Variants in MAD2L1BP observed in about 807,000 individuals in gnomAD.
MAD2L1BP encodes MAD2L1-binding protein.
In MAD2L1BP, 22 loss-of-function variants were observed where a neutral mutation model predicts 28.4. The ratio of observed to expected loss-of-function variants is 0.77; its 90% CI spans 0.55 to 1.10. The LOEUF is 1.10. MAD2L1BP is among the 50% of genes least tolerant of loss of function. The pLI is 0.00. For missense variants in MAD2L1BP, 325 were observed against 350.5 expected (o/e 0.93, Z 0.58); for synonymous variants, 146 against 133.7 (o/e 1.09, Z -0.63).
At chr6:43,638,431 C>T (rs1339872527) in intron 2 of MAD2L1BP, among the ~76,000 whole-genome samples, 1 of 152,096 alleles carries the variant, frequency 6.6e-6, no homozygotes, top group Non-Finnish European at 1.5e-5. Flanking sequence ...TTCTAGAATC[C>T]ATTCCCCATT....
chr6:43,634,387 C>A (rs1356074596), upstream of MAD2L1BP, among the ~76,000 whole-genome samples: 1 of 151,576 alleles, frequency 6.6e-6, no homozygotes, highest in African/African-American at 2.4e-5. Flanking sequence ...ACCTGGCTAA[C>A]TTTAAAAAAA....
In MAD2L1BP at chr6:43,640,311, C is replaced by T. The variant is rs35249206; in HGVS notation, c.603C>T (p.Ser201=). Residue 201 remains serine (S), a synonymous_variant, in exon 3 of 3, where the codon AGC becomes AGT. Coordinates refer to ENST00000372171, the MANE Select transcript of MAD2L1BP (RefSeq NM_014628.3). ...FRAIFMADAF[S]ELQAPPLMGT... ...CCATATTCATGGCTGATGCCTTTAG[C>T]GAGCTTCAGGCTCCTCCACTCATGG... 41,321 of 1,613,420 alleles carry T rather than the reference C, an allele frequency of 0.026. 644 individuals are homozygous for T. The highest frequency in any genetic ancestry group is 0.037 in the South Asian group (3,372 of 90,990).
At chr6:43,629,784 A>T in intron 1 of MAD2L1BP, 1 of 1,564,058 alleles carries the variant, frequency 6.4e-7, no homozygotes, top group Middle Eastern at 1.7e-4. Flanking sequence ...GTCAGGGCGA[A>T]CGCCAGGGCG....
chr6:43,632,143 G>A (rs1001343988), upstream of MAD2L1BP, among the ~76,000 whole-genome samples: 5 of 151,018 alleles, frequency 3.3e-5, no homozygotes, highest in Admixed American at 6.6e-5. Context: ...CAGTTGATCC[G>A]CCTGCCTTGG....
chr6:43,636,646 G>C lies in MAD2L1BP; in HGVS notation c.312G>C (p.Gln104His), dbSNP rs1770239581. The change falls in exon 2 of 3, where the codon CAG becomes CAC. Residue 104 changes from glutamine to histidine, a missense_variant and splice_region_variant. Physicochemically the swap from Gln to His is conservative, Grantham distance 24. Coordinates refer to ENST00000372171, the MANE Select transcript of MAD2L1BP (RefSeq NM_014628.3). ...LKHFYRKPSP[Q>H]AEEMLKKKPR... is the part of the protein sequence containing the mutation. ...ACTTTTACCGAAAACCTTCTCCCCA[G>C]GTAGGCACAGGCTTTGGGAGCAAGT... The C allele has an allele frequency of 1.2e-6, 2 of 1,611,386 alleles. No individual in the cohort carries two copies. The highest frequency in any genetic ancestry group is 2.7e-5 in the African/African-American group (2 of 74,974).
At chr6:43,634,848 C>T (rs141447895), upstream of MAD2L1BP, among the ~76,000 whole-genome samples, 117 of 152,246 alleles carry the variant, frequency 7.7e-4, no homozygotes, top group African/African-American at 1.9e-3. Flanking sequence ...CGTGAGCCAC[C>T]GTGCCTGGCC....
chr6:43,635,773 CT>C, upstream of MAD2L1BP: 17 of 1,273,272 alleles, frequency 1.3e-5, no homozygotes, highest in Admixed American at 7.4e-5. Flanking sequence ...GACGCCGCGC[CT>C]TTTTTCCGAC....
At chr6:43,638,689 G>A (rs1406572858) in intron 2 of MAD2L1BP, among the ~76,000 whole-genome samples, 1 of 151,862 alleles carries the variant, frequency 6.6e-6, no homozygotes, top group African/African-American at 2.4e-5. Context: ...CCAGCTACTC[G>A]GGAGGCTGAG....
At chr6:43,635,800 G>A, upstream of MAD2L1BP, 1 of 1,396,282 alleles carries the variant, frequency 7.2e-7, no homozygotes, top group Non-Finnish European at 9.4e-7. Flanking sequence ...TGAGCCGGAA[G>A]TGGAGGCGCG....
intron 1 of MAD2L1BP, chr6:43,629,813 C>T: frequency 2.6e-6 from 4 of 1,553,318 alleles, no homozygotes; most frequent in Non-Finnish European, 3.5e-6. Context: ...TGGTGATTAG[C>T]CAAATTACGG....
At chr6:43,634,390 T>G (rs1018955413), upstream of MAD2L1BP, among the ~76,000 whole-genome samples, 8 of 151,378 alleles carry the variant, frequency 5.3e-5, no homozygotes, top group Non-Finnish European at 4.4e-5. Flanking sequence ...TGGCTAACTT[T>G]AAAAAAAAAT....
chr6:43,635,797 G>C (rs113693440), upstream of MAD2L1BP: 16 of 1,389,470 alleles, frequency 1.2e-5, no homozygotes, highest in South Asian at 2.5e-4. Context: ...AACTGAGCCG[G>C]AAGTGGAGGC....
Position 43,636,437 on chromosome 6 carries a change from G to GCGCCTCCCAGAT in MAD2L1BP, c.103_104insCGCCTCCCAGAT (p.Glu35delinsAlaProProArgTer). 6.2e-7 allele frequency: 1 copy of GCGCCTCCCAGAT among 1,614,130 alleles called. No individual in the cohort carries two copies. The highest frequency in any genetic ancestry group is 8.5e-7 in the Non-Finnish European group (1 of 1,180,016). On this transcript the variant is annotated stop_gained and protein_altering_variant, in exon 2 of 3. Coordinates refer to ENST00000372171, the MANE Select transcript of MAD2L1BP (RefSeq NM_014628.3). LOFTEE classifies it high-confidence loss of function. ...TCACGCCTCCCAGATAGAACTACTT[G>GCGCCTCCCAGAT]AGACAAGCTCTACGCAGGAACCTCT...
chr6:43,630,612 G>C (rs1269490790), intron 1 of MAD2L1BP, among the ~76,000 whole-genome samples: 1 of 152,068 alleles, frequency 6.6e-6, no homozygotes, highest in Non-Finnish European at 1.5e-5. Context: ...GCGTGGTGGC[G>C]CATGCCTGTA....
At chr6:43,634,983 A>G (rs901854467), upstream of MAD2L1BP, among the ~76,000 whole-genome samples, 1 of 152,174 alleles carries the variant, frequency 6.6e-6, no homozygotes, top group Admixed American at 6.5e-5. Flanking sequence ...ACGCTAGGTT[A>G]GGCTGCTTTC....
upstream of MAD2L1BP, among the ~76,000 whole-genome samples, chr6:43,630,928 A>AAAAG (rs1167608739): frequency 2.9e-4 from 44 of 151,178 alleles, no homozygotes; most frequent in Non-Finnish European, 3.8e-4. Flanking sequence ...AAAAAAAAAA[A>AAAAG]AAAGAAAGAA....
chr6:43,636,960 C>T (rs1770261627), intron 2 of MAD2L1BP: 2 of 221,384 alleles, frequency 9.0e-6, no homozygotes, highest in Non-Finnish European at 1.8e-5. Context: ...TCACTGCAAC[C>T]TCCGCCTCCC....
At chr6:43,634,225 T>G (rs906330255), upstream of MAD2L1BP, among the ~76,000 whole-genome samples, 167 of 139,580 alleles carry the variant, frequency 1.2e-3, 2 homozygotes, top group Non-Finnish European at 1.4e-4. Flanking sequence ...TTTTTCTTTT[T>G]TTTTTTTTTT....
At chr6:43,631,509 G>A (rs748629141), upstream of MAD2L1BP, among the ~76,000 whole-genome samples, 5 of 152,086 alleles carry the variant, frequency 3.3e-5, no homozygotes, top group Non-Finnish European at 7.3e-5. Flanking sequence ...TTTGAGACAA[G>A]GTCTCCCTCT....
Sources: allele counts gnomAD v4.1 joint callset (sites outside exome capture counted in the v4.1 genomes callset), GRCh38; gene constraint gnomAD v4.1.1; transcripts MANE v1.5; gene names NCBI Gene and HGNC (gene_info 2026-07-23, HGNC 2026-07-21).